CHN1: variants seen among roughly 807,000 people sequenced by gnomAD.
The protein encoded by CHN1 is N-chimaerin.
A neutral mutation model predicts 59.5 loss-of-function variants in CHN1; 37 were observed. The observed-to-expected ratio is 0.62, with a 90% CI of 0.48 to 0.82. The LOEUF (loss-of-function observed/expected upper bound fraction) is 0.82, where lower values mean the gene tolerates loss of function less well. CHN1 is among the 40% of genes least tolerant of loss of function. CHN1 has a pLI of 0.00. For missense variants in CHN1, 469 were observed against 571.0 expected (o/e 0.82, Z 1.82); for synonymous variants, 206 against 200.4 (o/e 1.03, Z -0.24).
At chr2:174,809,369 C>T (rs1353275461) in intron 10 of CHN1, among the ~76,000 whole-genome samples, 1 of 152,170 alleles carries the variant, frequency 6.6e-6, no homozygotes, top group African/African-American at 2.4e-5. Flanking sequence ...AAGGACCAAG[C>T]GTACATGGTT....
At chr2:174,833,967 CTT>C (rs1463125044) in intron 7 of CHN1, among the ~76,000 whole-genome samples, 2 of 152,004 alleles carry the variant, frequency 1.3e-5, no homozygotes, top group Non-Finnish European at 2.9e-5. Flanking sequence ...AATTTTGTCT[CTT>C]TCTCTTTTCT....
intron 5 of CHN1, among the ~76,000 whole-genome samples, chr2:174,912,347 G>T (rs1333116736): frequency 6.6e-6 from 1 of 152,094 alleles, no homozygotes; most frequent in Admixed American, 6.5e-5. Context: ...ACACCTAAAA[G>T]AAAAACTGAA....
chr2:174,937,663 G>GT lies in CHN1; in HGVS notation c.114+7224dup, dbSNP rs759432936. ...TGTTGGGGACAGAGCCTGGTGGGAG[G>GT]TGTTTCAGTCACAGGAGCGGATCCT... is the stretch of plus-strand genomic sequence containing the variant. On this transcript the variant is annotated intron_variant, in intron 3 of 12. Transcript: ENST00000409900. 4.0e-5 allele frequency among the ~76,000 whole-genome samples: 6 copies of GT among 151,896 alleles called. No individual in the cohort carries two copies. In the East Asian group the frequency reaches 1.2e-3, roughly 29 times the overall value.
At chr2:174,820,743 C>A (rs986974971) in intron 8 of CHN1, among the ~76,000 whole-genome samples, 1 of 152,204 alleles carries the variant, frequency 6.6e-6, no homozygotes, top group Non-Finnish European at 1.5e-5. Flanking sequence ...CCTGAAGGGA[C>A]GGCTTGCCTG....
At chr2:174,970,727 T>C (rs981652198) in intron 1 of CHN1, among the ~76,000 whole-genome samples, 3 of 152,182 alleles carry the variant, frequency 2.0e-5, no homozygotes, top group African/African-American at 7.2e-5. Flanking sequence ...AGAGTAAAAA[T>C]GTCATTGATA....
intron 5 of CHN1, among the ~76,000 whole-genome samples, chr2:174,902,134 A>G (rs1235094462): frequency 6.6e-6 from 1 of 152,142 alleles, no homozygotes; most frequent in Non-Finnish European, 1.5e-5. Context: ...ACATTTTAAA[A>G]TATTTTTTGT....
intron 11 of CHN1, among the ~76,000 whole-genome samples, chr2:174,802,643 AT>A (rs1684763347): frequency 6.6e-6 from 1 of 152,246 alleles, no homozygotes. Context: ...AGTCATTTGT[AT>A]AACTGAAAAC....
At chr2:174,803,179 T>G (rs1684782416) in intron 11 of CHN1, among the ~76,000 whole-genome samples, 1 of 152,186 alleles carries the variant, frequency 6.6e-6, no homozygotes, top group Non-Finnish European at 1.5e-5. Context: ...TCCTAGTGTT[T>G]CTAACTTATA....
chr2:174,847,721 T>C, intron 6 of CHN1: 1 of 1,068,114 alleles, frequency 9.4e-7, no homozygotes, highest in Non-Finnish European at 1.3e-6. Context: ...AAACTCACTC[T>C]GTCTCTGTTT....
rs1685622345 is a variant in CHN1 at position 174,824,621 on chromosome 2, T to TATAC, written c.628-104_628-103insGTAT. ...ATATACAAGCCACATATTCTATATA[T>TATAC]ATATATATATGAGAGAAAGAGAAAT... is the stretch of plus-strand genomic sequence containing the variant. On this transcript the variant is annotated intron_variant, in intron 7 of 12. Transcript: ENST00000409900. 4 of 525,698 alleles carry TATAC rather than the reference T, an allele frequency of 7.6e-6. 1 individual carries two copies. The highest frequency in any genetic ancestry group is 1.3e-5 in the Non-Finnish European group (4 of 300,374). The allele number at this position is 525,698 out of a possible 1,614,324, so 32.6% of individuals were successfully genotyped here.
intron 7 of CHN1, among the ~76,000 whole-genome samples, chr2:174,836,850 TCAAA>T (rs1449937037): frequency 1.3e-5 from 2 of 152,140 alleles, no homozygotes; most frequent in Non-Finnish European, 1.5e-5. Context: ...GAACCTTTTT[TCAAA>T]CAGTCTGTCT....
intron 6 of CHN1, among the ~76,000 whole-genome samples, chr2:174,869,782 C>G (rs1305130755): frequency 6.6e-6 from 1 of 152,130 alleles, no homozygotes; most frequent in Non-Finnish European, 1.5e-5. Flanking sequence ...CAGCTTTTTT[C>G]TCACTATGAA....
At chr2:174,880,968 T>A (rs1687714827) in intron 5 of CHN1, among the ~76,000 whole-genome samples, 1 of 150,904 alleles carries the variant, frequency 6.6e-6, no homozygotes, top group South Asian at 2.1e-4. Flanking sequence ...ATTGCTTGAA[T>A]CTGGGAGGTG....
At chr2:174,891,345 G>A (rs988961681) in intron 5 of CHN1, among the ~76,000 whole-genome samples, 1 of 151,764 alleles carries the variant, frequency 6.6e-6, no homozygotes, top group Non-Finnish European at 1.5e-5. Context: ...GCTGAGATGG[G>A]TGGATCATGA....
At chr2:174,938,468 T>G (rs1217355645) in intron 3 of CHN1, among the ~76,000 whole-genome samples, 1 of 152,174 alleles carries the variant, frequency 6.6e-6, no homozygotes, top group Non-Finnish European at 1.5e-5. Context: ...AATCTAATCA[T>G]TATAATAATA....
chr2:174,981,773 G>A (rs1691156091), intron 1 of CHN1, among the ~76,000 whole-genome samples: 2 of 152,018 alleles, frequency 1.3e-5, no homozygotes, highest in South Asian at 4.1e-4. Context: ...AAACTGTGAA[G>A]TACAGTATCA....
At chr2:174,863,283 T>C (rs573536958) in intron 6 of CHN1, among the ~76,000 whole-genome samples, 29 of 152,274 alleles carry the variant, frequency 1.9e-4, no homozygotes, top group Admixed American at 1.3e-3. Context: ...AATAGACCAA[T>C]GGGTTTCAGT....
At chr2:174,926,915 G>C (rs963957342) in intron 3 of CHN1, among the ~76,000 whole-genome samples, 5 of 151,850 alleles carry the variant, frequency 3.3e-5, no homozygotes, top group Non-Finnish European at 7.4e-5. Context: ...CCGCCACCAC[G>C]CCCAGCTAAT....
intron 8 of CHN1, among the ~76,000 whole-genome samples, chr2:174,814,043 T>C (rs1413035221): frequency 5.3e-5 from 8 of 152,142 alleles, no homozygotes; most frequent in Non-Finnish European, 2.9e-5. Flanking sequence ...ACAAACAACA[T>C]CATTGTTTCA....
Sources: allele counts gnomAD v4.1 joint callset (sites outside exome capture counted in the v4.1 genomes callset), GRCh38; gene constraint gnomAD v4.1.1; transcripts MANE v1.5; gene names NCBI Gene and HGNC (gene_info 2026-07-23, HGNC 2026-07-21).